The following NEK10 variants were observed in gnomAD, a reference collection of about 807,000 sequenced individuals.
NEK10 encodes the protein NIMA related kinase 10.
In NEK10, 122 loss-of-function variants were observed where a neutral mutation model predicts 159.8. That is an observed-to-expected ratio of 0.76 (90% CI 0.66 to 0.89). NEK10 has a LOEUF of 0.89. Ranked by LOEUF, NEK10 falls within the 40% of genes least tolerant of loss-of-function variation. NEK10 has a pLI of 0.00. For synonymous variants in NEK10, 466 were observed against 457.1 expected (o/e 1.02, Z -0.25); for missense variants, 1,342 against 1,323.1 (o/e 1.01, Z -0.22).
At chr3:27,209,688 A>G (rs966099369) in intron 23 of NEK10, among the ~76,000 whole-genome samples, 1 of 152,208 alleles carries the variant, frequency 6.6e-6, no homozygotes, top group African/African-American at 2.4e-5. Context: ...CCCACAGCAA[A>G]GGTGGGCCAC....
chr3:27,206,242 G>C (rs1189067150), intron 23 of NEK10, among the ~76,000 whole-genome samples: 1 of 152,138 alleles, frequency 6.6e-6, no homozygotes, highest in East Asian at 1.9e-4. Flanking sequence ...ACATGACTAA[G>C]CACTAGTGAC....
At chr3:27,162,615 AG>A (rs768061211) in intron 30 of NEK10, 85 bp downstream of exon 30, 6 of 1,613,960 alleles carry the variant, frequency 3.7e-6, no homozygotes, top group Admixed American at 1.7e-5. Flanking sequence ...AAGAAATAAA[AG>A]GGGGAAAGAT....
At chr3:27,174,036 T>A (rs529824807) in intron 28 of NEK10, among the ~76,000 whole-genome samples, 1 of 152,172 alleles carries the variant, frequency 6.6e-6, no homozygotes, top group Non-Finnish European at 1.5e-5. Flanking sequence ...CCCTTTAGAT[T>A]TATATAAATA....
In NEK10 at chr3:27,256,701, C is replaced by T. The variant is rs528055590; in HGVS notation, c.2015-330G>A. Among the ~76,000 whole-genome samples, 5 of 152,114 alleles carry T rather than the reference C, an allele frequency of 3.3e-5. No homozygotes were observed. In the East Asian group the frequency reaches 7.7e-4, roughly 23 times the overall value. On this transcript the variant is annotated intron_variant, in intron 22 of 35. Coordinates refer to ENST00000691995, the MANE Select transcript of NEK10 (RefSeq NM_001394966.1). ...CAGGCTAAAAGAAAAGTAAGGTACA[C>T]CCAAATAAATACCATGAAGGCCTGA...
intron 5 of NEK10, among the ~76,000 whole-genome samples, chr3:27,336,227 G>A (rs1026382318): frequency 2.6e-5 from 4 of 152,036 alleles, no homozygotes; most frequent in Admixed American, 2.0e-4. Flanking sequence ...ACAATTATAT[G>A]CTAACAAACT....
At chr3:27,321,217 CACTATG>C (rs2045603762) in intron 6 of NEK10, among the ~76,000 whole-genome samples, 1 of 151,752 alleles carries the variant, frequency 6.6e-6, no homozygotes, top group East Asian at 1.9e-4. Flanking sequence ...ACAGCTAAAG[CACTATG>C]TCTTTGCTAC....
chr3:27,327,464 C>G (rs1335076801), intron 5 of NEK10, among the ~76,000 whole-genome samples: 2 of 152,192 alleles, frequency 1.3e-5, no homozygotes, highest in Non-Finnish European at 2.9e-5. Context: ...CCGTGACCAC[C>G]TGCCATTCTG....
chr3:27,282,573 A>ATATATATATATATATATACATAACTGTGT (rs2042264726), intron 22 of NEK10, among the ~76,000 whole-genome samples: 1 of 118,386 alleles, frequency 8.4e-6, no homozygotes, highest in African/African-American at 3.3e-5. Context: ...TAACTGTGTT[A>ATATATATATATATATATACATAACTGTGT]TATATATATA....
chr3:27,237,904 G>C (rs987872184), intron 23 of NEK10, among the ~76,000 whole-genome samples: 1 of 152,172 alleles, frequency 6.6e-6, no homozygotes, highest in African/African-American at 2.4e-5. Context: ...AAAAAGGGCT[G>C]TGTCACCAAT....
chr3:27,252,172 G>A, intron 23 of NEK10: 1 of 492,078 alleles, frequency 2.0e-6, no homozygotes, highest in South Asian at 1.5e-5. Flanking sequence ...GTGTGTAGTG[G>A]AGAGACACAC....
intron 30 of NEK10, among the ~76,000 whole-genome samples, chr3:27,156,437 A>G (rs989995578): frequency 1.3e-5 from 2 of 152,018 alleles, no homozygotes; most frequent in Non-Finnish European, 2.9e-5. Context: ...TCTACAACAA[A>G]CTCAAAAAAA....
At chr3:27,336,053 G>C (rs1042451470) in intron 5 of NEK10, among the ~76,000 whole-genome samples, 4 of 151,862 alleles carry the variant, frequency 2.6e-5, no homozygotes, top group Non-Finnish European at 5.9e-5. Flanking sequence ...ACAACACAAA[G>C]CATCAATAAA....
chr3:27,116,559 T>C (rs534523559), intron 33 of NEK10, among the ~76,000 whole-genome samples: 2 of 152,174 alleles, frequency 1.3e-5, no homozygotes, highest in Non-Finnish European at 2.9e-5. Flanking sequence ...CAGATACAGA[T>C]GTAAAGAGAC....
chr3:27,360,147 T>C (rs2048582621), intron 1 of NEK10, among the ~76,000 whole-genome samples: 1 of 152,232 alleles, frequency 6.6e-6, no homozygotes, highest in Non-Finnish European at 1.5e-5. Flanking sequence ...TTATCCCTTA[T>C]ATTACATTGT....
At chr3:27,149,119 AAAT>A (rs1944586874) in intron 30 of NEK10, among the ~76,000 whole-genome samples, 2 of 150,880 alleles carry the variant, frequency 1.3e-5, no homozygotes, top group African/African-American at 4.8e-5. Flanking sequence ...AATTTAATAA[AAAT>A]AAAATATTTT....
chr3:27,199,933 G>A (rs1188282138), intron 25 of NEK10, among the ~76,000 whole-genome samples: 1 of 152,092 alleles, frequency 6.6e-6, no homozygotes, highest in East Asian at 1.9e-4. Context: ...CCATAAAGGG[G>A]AACAGCAGAC....
At chr3:27,174,546 T>C (rs755542229) in intron 27 of NEK10, 21 bp from the exon 28 acceptor site, 3 of 1,600,720 alleles carry the variant, frequency 1.9e-6, no homozygotes, top group Non-Finnish European at 2.6e-6. Flanking sequence ...ATAAAAACAA[T>C]AAAAAAGCAA....
At chr3:27,190,434 TGGGATGGGTACA>T (rs1203150641) in intron 26 of NEK10, among the ~76,000 whole-genome samples, 3 of 152,180 alleles carry the variant, frequency 2.0e-5, no homozygotes, top group Non-Finnish European at 4.4e-5. Context: ...CTGTTGAAGC[TGGGATGGGTACA>T]GGAAGTAATC....
At chr3:27,240,726 A>G (rs1462525609) in intron 23 of NEK10, among the ~76,000 whole-genome samples, 3 of 149,546 alleles carry the variant, frequency 2.0e-5, no homozygotes, top group Non-Finnish European at 4.4e-5. Context: ...ATCTTGGCTC[A>G]CTGCAACCTC....
Sources: allele counts gnomAD v4.1 joint callset (sites outside exome capture counted in the v4.1 genomes callset), GRCh38; gene constraint gnomAD v4.1.1; transcripts MANE v1.5; gene names NCBI Gene and HGNC (gene_info 2026-07-23, HGNC 2026-07-21).